The following CFAP43 variants were observed in gnomAD, a reference collection of about 807,000 sequenced individuals.
CFAP43 encodes the protein cilia- and flagella-associated protein 43.
In CFAP43, 155 loss-of-function variants were observed where a neutral mutation model predicts 218.9. The observed-to-expected ratio is 0.71, with a 90% CI of 0.62 to 0.81. The LOEUF is 0.81. Among genes scored for constraint, CFAP43 ranks in the 30% least tolerant of loss-of-function variants. CFAP43 has a pLI of 0.00. For missense variants in CFAP43, 1,778 were observed against 1,954.3 expected, an observed-to-expected ratio of 0.91 and a Z score of 1.70; for synonymous variants, 645 against 681.3, an observed-to-expected ratio of 0.95 and a Z score of 0.83.
chr10:104,194,256 T>G (rs905261645), intron 10 of CFAP43, among the ~76,000 whole-genome samples: 8 of 152,086 alleles, frequency 5.3e-5, no homozygotes, highest in African/African-American at 1.9e-4. Context: ...TAGAGAGAGA[T>G]TTCTTGAAAT....
chr10:104,227,011 C>T (rs754214981), intron 2 of CFAP43, among the ~76,000 whole-genome samples: 1 of 152,050 alleles, frequency 6.6e-6, no homozygotes, highest in Non-Finnish European at 1.5e-5. Context: ...GAGCAAGACT[C>T]TGTCTCATCA....
chr10:104,188,498 A>G (rs987844676), intron 12 of CFAP43, 88 bp from the exon 13 acceptor site: 13 of 1,467,890 alleles, frequency 8.9e-6, no homozygotes, highest in Non-Finnish European at 1.1e-5. Flanking sequence ...TCATCCATGG[A>G]CTTGCCTTCA....
Position 104,130,269 on chromosome 10 carries a change from C to A in CFAP43, c.4868G>T (p.Arg1623Leu), listed in dbSNP as rs752348444. The change falls in exon 38 of 38, where the codon CGG (arginine) becomes CTG (leucine). Residue 1623 changes from arginine to leucine, a missense_variant. Arg to Leu is a moderately radical substitution (Grantham distance 102, BLOSUM62 -2). Transcript: ENST00000357060. Reference sequence around the variant, plus strand: ...CTGCTGTTGCATCATGTTTTCATACCGTTCTTTGACAATCTTTTCACAAGT... The same window carrying A: ...CTGCTGTTGCATCATGTTTTCATACAGTTCTTTGACAATCTTTTCACAAGT... ...KLTCEKIVKE[R>L]YENMMQQQKL... 1.2e-6 allele frequency: 2 copies of A among 1,611,200 alleles called. No individual in the cohort carries two copies. Among genetic ancestry groups the A allele is most frequent in the Non-Finnish European group, 1.7e-6 (2 of 1,179,314 alleles).
chr10:104,172,681 G>T, intron 19 of CFAP43, 146 bp from the exon 20 acceptor site: 2 of 719,698 alleles, frequency 2.8e-6, no homozygotes, highest in Non-Finnish European at 2.1e-6. Flanking sequence ...ATTAGATTAT[G>T]GGCTTATTGT....
chr10:104,163,193 A>C (rs1048844395), intron 24 of CFAP43, among the ~76,000 whole-genome samples: 3 of 152,178 alleles, frequency 2.0e-5, no homozygotes, highest in Non-Finnish European at 4.4e-5. Context: ...TAGCTTTGTA[A>C]CTGTGGTCAA....
In CFAP43 at chr10:104,179,118, C is replaced by T. The variant is rs2089731352; in HGVS notation, c.2383-12G>A. On this transcript the variant is annotated splice_polypyrimidine_tract_variant and intron_variant, in intron 18 of 37. Transcript: ENST00000357060. ...TCCTTTTTGATGGCCTGAAACAGAA[C>T]AAGTATATCACTTAACAAAGCAAGA... The T allele has an allele frequency of 6.3e-7, 1 of 1,585,920 alleles. No homozygotes were observed. Among genetic ancestry groups the T allele is most frequent in the Non-Finnish European group, 8.6e-7 (1 of 1,157,532 alleles).
intron 24 of CFAP43, among the ~76,000 whole-genome samples, chr10:104,163,179 T>G (rs1327083802): frequency 6.6e-6 from 1 of 152,188 alleles, no homozygotes; most frequent in Non-Finnish European, 1.5e-5. Context: ...ACAATGACAC[T>G]TACTAGCTTT....
intron 33 of CFAP43, 51 bp from the exon 34 acceptor site, chr10:104,141,052 C>T: frequency 6.6e-7 from 1 of 1,516,514 alleles, no homozygotes; most frequent in Non-Finnish European, 8.9e-7. Context: ...TTTCAAATTT[C>T]ACCTATTATC....
intron 27 of CFAP43, among the ~76,000 whole-genome samples, chr10:104,158,902 A>AAT (rs1491437463): frequency 2.0e-5 from 3 of 152,098 alleles, no homozygotes; most frequent in South Asian, 2.1e-4. Context: ...ATACATATAC[A>AAT]ATATATATAT....
chr10:104,156,489 T>C (rs1183920471), intron 27 of CFAP43, among the ~76,000 whole-genome samples: 1 of 152,198 alleles, frequency 6.6e-6, no homozygotes, highest in Non-Finnish European at 1.5e-5. Context: ...TTGGTTTCTC[T>C]TTCTCCCAAT....
chr10:104,132,636 A>C, intron 35 of CFAP43: 5 of 985,376 alleles, frequency 5.1e-6, no homozygotes, highest in Non-Finnish European at 6.0e-6. Flanking sequence ...AAAAAGATTG[A>C]TTTGGCTTTT....
chr10:104,170,657 C>T (rs746585710), intron 20 of CFAP43, among the ~76,000 whole-genome samples: 24 of 152,046 alleles, frequency 1.6e-4, no homozygotes, highest in Non-Finnish European at 3.2e-4. Flanking sequence ...CTATCTAAGC[C>T]TCAGTTTTTT....
At chr10:104,206,261 T>C (rs543634185) in intron 6 of CFAP43, among the ~76,000 whole-genome samples, 1 of 152,206 alleles carries the variant, frequency 6.6e-6, no homozygotes, top group Non-Finnish European at 1.5e-5. Context: ...AAGTGAAACC[T>C]CATGGCCTCA....
chr10:104,176,640 C>T (rs1332478656), intron 19 of CFAP43, among the ~76,000 whole-genome samples: 2 of 152,134 alleles, frequency 1.3e-5, no homozygotes, highest in Admixed American at 6.6e-5. Flanking sequence ...TTAGATATGT[C>T]GCATTCACAC....
rs183231253 is a variant in CFAP43, at chr10:104,163,586, C to T, written c.3246+508G>A. On this transcript the variant is annotated intron_variant, in intron 24 of 37. Transcript: ENST00000357060. ...GGAGAGCCCCTTTCTCTGGGATCCA[C>T]ACCGCCTGAATGACCTAGATCACTA... 5.3e-3 allele frequency among the ~76,000 whole-genome samples: 809 copies of T among 152,282 alleles called. 6 individuals carry two copies. The highest frequency in any genetic ancestry group is 0.012 in the South Asian group (59 of 4,820).
chr10:104,232,029 G>C (rs1297423021), intron 1 of CFAP43, among the ~76,000 whole-genome samples, 153 bp downstream of exon 1: 1 of 152,080 alleles, frequency 6.6e-6, no homozygotes, highest in Admixed American at 6.5e-5. Context: ...ACACGGGGAG[G>C]GAGGCTGAGG....
At chr10:104,204,333 T>G (rs1365413175) in intron 7 of CFAP43, among the ~76,000 whole-genome samples, 30 of 152,192 alleles carry the variant, frequency 2.0e-4, no homozygotes, top group Admixed American at 2.0e-3. Flanking sequence ...GGTTGGTTGG[T>G]TGGCTGGTTG....
chr10:104,201,951 A>G (rs559233240), intron 8 of CFAP43, among the ~76,000 whole-genome samples: 2 of 152,274 alleles, frequency 1.3e-5, no homozygotes, highest in East Asian at 3.9e-4. Flanking sequence ...TCTAGGTGGT[A>G]ATTATTTTCT....
chr10:104,155,780 C>T (rs184177200), intron 27 of CFAP43, among the ~76,000 whole-genome samples: 178 of 152,044 alleles, frequency 1.2e-3, no homozygotes, highest in Non-Finnish European at 2.0e-3. Flanking sequence ...CAAGGACCTG[C>T]AGCGAGAATG....
Sources: gnomAD v4.1 joint callset for allele counts (sites outside exome capture counted in the v4.1 genomes callset) on GRCh38, gnomAD v4.1.1 for gene constraint, MANE v1.5 for transcripts, NCBI Gene and HGNC (gene_info 2026-07-23, HGNC 2026-07-21) for gene names.